CFAP251: variants seen among roughly 807,000 people sequenced by gnomAD.
CFAP251 encodes the protein cilia- and flagella-associated protein 251.
A neutral mutation model predicts 126.7 loss-of-function variants in CFAP251; 93 were observed. The ratio of observed to expected loss-of-function variants is 0.73; its 90% confidence interval spans 0.62 to 0.87. The LOEUF is 0.87. CFAP251 is among the 40% of genes least tolerant of loss of function. The pLI, the probability that CFAP251 is intolerant of heterozygous loss-of-function variation, is 0.00. For missense variants in CFAP251, 1,287 were observed against 1,389.2 expected, an observed-to-expected ratio of 0.93 and a Z score of 1.17; for synonymous variants, 503 against 506.9, an observed-to-expected ratio of 0.99 and a Z score of 0.10.
At position 121,918,892 on chromosome 12, in the gene CFAP251, G is replaced by GGCACCCCTGCCCC. The variant is rs1227996369; in HGVS notation, c.-21+198_-21+210dup. On this transcript the variant is annotated intron_variant, in intron 1 of 21. Coordinates refer to ENST00000288912, the MANE Select transcript of CFAP251 (RefSeq NM_144668.6). This position sits in a 1 kb window ranked among gnomAD's most constrained non-coding sequence, Gnocchi z 4.3. ...AATCCCCTCGCAGAGCCACGCACCT[G>GGCACCCCTGCCCC]GCACCCCTGCCCCAAACCCCTGCGG... 7.9e-5 allele frequency among the ~76,000 whole-genome samples: 12 copies of GGCACCCCTGCCCC among 152,272 alleles called. No homozygotes were observed. The East Asian group carries it at 9.7e-4, about 12-fold the overall frequency.
At chr12:121,949,183 T>C (rs1256899872) in intron 8 of CFAP251, 122 bp downstream of exon 8, 1 of 508,944 alleles carries the variant, frequency 2.0e-6, no homozygotes, top group Non-Finnish European at 3.3e-6. Flanking sequence ...TGAATATATA[T>C]TAAAATGTTT....
rs1882826785 is a variant in CFAP251 at position 121,989,554 on chromosome 12, C to A, written c.3007-10162C>A. Among the ~76,000 whole-genome samples, 1 of 152,194 alleles carries A rather than the reference C, an allele frequency of 6.6e-6. No homozygotes were observed. Among genetic ancestry groups the A allele is most frequent in the South Asian group, 2.1e-4 (1 of 4,836 alleles). On this transcript the variant is annotated intron_variant, in intron 19 of 21. Coordinates refer to ENST00000288912, the MANE Select transcript of CFAP251 (RefSeq NM_144668.6). The surrounding 1 kb of genome is among the most constrained non-coding windows in gnomAD (Gnocchi z 4.2). Reference sequence around the variant, plus strand: ...TGGCCATGCAGTGACGCTGCCCAGCCCTTACGCCCCCTCCTCAGCCCACTA... The same window carrying A: ...TGGCCATGCAGTGACGCTGCCCAGCACTTACGCCCCCTCCTCAGCCCACTA...
At chr12:121,944,157 CATTT>C (rs1361317149) in intron 7 of CFAP251, among the ~76,000 whole-genome samples, 2 of 152,162 alleles carry the variant, frequency 1.3e-5, no homozygotes, top group African/African-American at 4.8e-5. Flanking sequence ...ATTTGTCATA[CATTT>C]ATTGAGTACC....
intron 5 of CFAP251, among the ~76,000 whole-genome samples, chr12:121,941,015 T>C (rs1881089574): frequency 6.6e-6 from 1 of 152,140 alleles, no homozygotes; most frequent in Non-Finnish European, 1.5e-5. Flanking sequence ...TATTTTTATT[T>C]CTATTTTTTA....
At chr12:121,976,133 C>T (rs182478638) in intron 19 of CFAP251, among the ~76,000 whole-genome samples, 159 of 151,996 alleles carry the variant, frequency 1.0e-3, no homozygotes, top group Non-Finnish European at 1.8e-3. Context: ...CTCAGCCTTC[C>T]GAGTAGCTGG....
At chr12:121,929,839 G>A (rs1283518772) in intron 3 of CFAP251, among the ~76,000 whole-genome samples, 2 of 152,040 alleles carry the variant, frequency 1.3e-5, no homozygotes, top group African/African-American at 2.4e-5. Flanking sequence ...CACCACACCT[G>A]GCTAATTTTT....
chr12:121,983,032 GACC>G (rs1332002636), intron 19 of CFAP251, among the ~76,000 whole-genome samples: 1 of 152,170 alleles, frequency 6.6e-6, no homozygotes, highest in Admixed American at 6.5e-5. Context: ...AGGAGTTCAA[GACC>G]AGTCTGGGCA....
At chr12:121,951,842 C>T (rs552716708) in intron 9 of CFAP251, among the ~76,000 whole-genome samples, 36 of 152,130 alleles carry the variant, frequency 2.4e-4, no homozygotes, top group African/African-American at 8.4e-4. Flanking sequence ...CCTCAGCCTC[C>T]CGAGTAGCTG....
intron 17 of CFAP251, chr12:121,969,731 G>T: frequency 6.1e-6 from 6 of 977,606 alleles, no homozygotes; most frequent in Non-Finnish European, 7.3e-6. Context: ...CAAGCCTTGG[G>T]CACCTAAAGT....
chr12:121,961,148 T>C (rs1881920554), intron 14 of CFAP251, among the ~76,000 whole-genome samples: 1 of 152,148 alleles, frequency 6.6e-6, no homozygotes, highest in African/African-American at 2.4e-5. Flanking sequence ...GGTTGTGAGA[T>C]AAGAGGAAAA....
At chr12:121,928,938 C>A (rs1374993052) in intron 3 of CFAP251, among the ~76,000 whole-genome samples, 5 of 151,838 alleles carry the variant, frequency 3.3e-5, no homozygotes, top group Non-Finnish European at 5.9e-5. Context: ...ATCAAGCAAT[C>A]CACTCACCTC....
chr12:121,942,700 G>C (rs1028879607), intron 6 of CFAP251, 55 bp downstream of exon 6: 1 of 1,413,142 alleles, frequency 7.1e-7, no homozygotes, highest in African/African-American at 1.4e-5. Context: ...CCTGTGCAGC[G>C]TGTCCCCATG....
intron 12 of CFAP251, among the ~76,000 whole-genome samples, 172 bp from the exon 13 acceptor site, chr12:121,958,771 C>A (rs1184821181): frequency 6.6e-6 from 1 of 152,276 alleles, no homozygotes; most frequent in Non-Finnish European, 1.5e-5. Flanking sequence ...CCTATCTGTG[C>A]GTCTCTGCGC....
intron 2 of CFAP251, among the ~76,000 whole-genome samples, chr12:121,922,858 T>C (rs1218026524): frequency 1.3e-5 from 2 of 152,124 alleles, no homozygotes; most frequent in South Asian, 2.1e-4. Flanking sequence ...GGTGCAATCT[T>C]GGCTCACTGC....
chr12:121,921,789 T>A, intron 2 of CFAP251, 106 bp downstream of exon 2: 1 of 1,002,212 alleles, frequency 1.0e-6, no homozygotes, highest in Non-Finnish European at 1.3e-6. Flanking sequence ...GTACAATCCA[T>A]TCCTTTTTTT....
chr12:121,955,774 T>C (rs1484354472), intron 10 of CFAP251: 1 of 152,182 alleles, frequency 6.6e-6, no homozygotes, highest in Non-Finnish European at 1.5e-5. Flanking sequence ...AGCGAGAAGA[T>C]AGGAGAACTG....
intron 18 of CFAP251, 75 bp downstream of exon 18, chr12:121,975,409 C>G (rs1882433021): frequency 6.4e-7 from 1 of 1,568,876 alleles, no homozygotes; most frequent in African/African-American, 1.4e-5. Flanking sequence ...CAGGGTTAAC[C>G]TTGCTTTATT....
intron 3 of CFAP251, among the ~76,000 whole-genome samples, chr12:121,931,389 T>G (rs1880681921): frequency 6.6e-6 from 1 of 150,656 alleles, no homozygotes; most frequent in African/African-American, 2.5e-5. Flanking sequence ...CTCGGCTCAC[T>G]GCAACCTCCG....
Position 121,923,701 on chromosome 12 carries a change from G to A in CFAP251, c.458G>A (p.Ser153Asn), listed in dbSNP as rs754134464. ...AETDELLRDL[S>N]TQIEFLDLDQ... is the part of the protein sequence containing the mutation. ...ACAGATGAGCTTTTAAGAGACCTGA[G>A]CACACAAATTGAATTTCTTGATTTG... Residue 153 changes from serine to asparagine, a missense_variant, in exon 3 of 22, where the codon AGC (serine) becomes AAC (asparagine). Ser to Asn is a conservative substitution (Grantham distance 46). Coordinates refer to ENST00000288912, the MANE Select transcript of CFAP251 (RefSeq NM_144668.6). The A allele has an allele frequency of 6.2e-7, 1 of 1,614,144 alleles. No individual in the cohort carries two copies. Among genetic ancestry groups the A allele is most frequent in the Admixed American group, 1.7e-5 (1 of 60,018 alleles).
Sources: allele counts gnomAD v4.1 joint callset (sites outside exome capture counted in the v4.1 genomes callset), GRCh38; gene constraint gnomAD v4.1.1; non-coding constraint Gnocchi (gnomAD v3.1); transcripts MANE v1.5; gene names NCBI Gene and HGNC (gene_info 2026-07-23, HGNC 2026-07-21).